Variants in ST3GAL5 observed in about 807,000 individuals in gnomAD.
ST3GAL5 encodes lactosylceramide alpha-2,3-sialyltransferase.
A neutral mutation model predicts 46.1 loss-of-function variants in ST3GAL5; 25 were observed. The ratio of observed to expected loss-of-function variants is 0.54; its 90% CI spans 0.40 to 0.76. The LOEUF (loss-of-function observed/expected upper bound fraction) is 0.76, where lower values mean the gene tolerates loss of function less well. Among genes scored for constraint, ST3GAL5 ranks in the 30% least tolerant of loss-of-function variants. ST3GAL5 has a pLI of 0.00. For synonymous variants in ST3GAL5, 182 were observed against 192.7 expected (o/e 0.94, Z 0.46); for missense variants, 431 against 521.2 (o/e 0.83, Z 1.69).
chr2:85,888,734 C>A (rs1688054790), intron 1 of ST3GAL5, 90 bp downstream of exon 1: 2 of 1,028,390 alleles, frequency 1.9e-6, no homozygotes. Flanking sequence ...GGAAACGCCG[C>A]GCCCAGCCGG....
chr2:85,871,004 G>A (rs1216271243), intron 1 of ST3GAL5, among the ~76,000 whole-genome samples: 2 of 151,660 alleles, frequency 1.3e-5, no homozygotes, highest in Non-Finnish European at 2.9e-5. Flanking sequence ...ATCAAATCAG[G>A]GTAATTAGGA....
rs775248759 is a variant in ST3GAL5 at position 85,863,461 on chromosome 2, A to C, written c.107T>G (p.Val36Gly). The change falls in exon 2 of 7, where the codon GTG (valine) becomes GGG (glycine). Residue 36 changes from valine to glycine, a missense_variant. Val to Gly is a moderately radical substitution (Grantham distance 109). Coordinates refer to ENST00000638572, the MANE Select transcript of ST3GAL5 (RefSeq NM_003896.4). ...GRAMPSEYTY[V>G]KLRSDCSRPS... is the part of the protein sequence containing the mutation. Reference sequence around the variant, plus strand: ...CCTCGAGCAATCACTTCTCAGTTTCACATAGGTGTACTCACTTGGCATTGC... The same window carrying C: ...CCTCGAGCAATCACTTCTCAGTTTCCCATAGGTGTACTCACTTGGCATTGC... 4 of 1,614,018 alleles carry C rather than the reference A, an allele frequency of 2.5e-6. No individual in the cohort carries two copies. The South Asian group carries it at 4.4e-5, about 18-fold the overall frequency.
At position 85,853,055 on chromosome 2, in the gene ST3GAL5, T is replaced by C. The variant is rs749493975; in HGVS notation, c.319-4851A>G. On this transcript the variant is annotated intron_variant, in intron 3 of 6. Transcript: ENST00000638572. ...AGCGGCTGAGTCCATCTGGCCATAA[T>C]TAACTGCACGCAATGCCATCCGCAG... 5 of 1,304,224 alleles carry C rather than the reference T, an allele frequency of 3.8e-6. 2 individuals are homozygous for C. In the South Asian group the frequency reaches 6.2e-5, roughly 16 times the overall value. The allele number at this position is 1,304,224 out of a possible 1,614,324, so 80.8% of individuals were successfully genotyped here. A position where few individuals can be genotyped will look rare whatever the true frequency, so the allele number is the denominator to read the frequency against.
chr2:85,874,103 G>A (rs999951400), intron 1 of ST3GAL5, among the ~76,000 whole-genome samples: 10 of 152,146 alleles, frequency 6.6e-5, no homozygotes, highest in Non-Finnish European at 1.3e-4. Flanking sequence ...CTGTGTGAAC[G>A]CACAATCAAT....
At chr2:85,859,809 G>A (rs541490499) in intron 3 of ST3GAL5, among the ~76,000 whole-genome samples, 1 of 152,354 alleles carries the variant, frequency 6.6e-6, no homozygotes, top group Admixed American at 6.5e-5. Context: ...ACATTTCACA[G>A]TTGAGAAAAC....
intron 2 of ST3GAL5, among the ~76,000 whole-genome samples, chr2:85,862,045 CA>C (rs960822351): frequency 6.9e-4 from 103 of 149,750 alleles, no homozygotes; most frequent in African/African-American, 2.5e-3. Flanking sequence ...GTTTTTTTTT[CA>C]AAAAAATTGC....
intron 1 of ST3GAL5, among the ~76,000 whole-genome samples, chr2:85,883,715 G>A (rs1687451773): frequency 6.6e-6 from 1 of 152,212 alleles, no homozygotes; most frequent in African/African-American, 2.4e-5. Context: ...CGCTAGAAAA[G>A]CAAGCAGTCC....
At chr2:85,880,717 G>A (rs11127008) in intron 1 of ST3GAL5, among the ~76,000 whole-genome samples, 84,119 of 151,838 alleles carry the variant, frequency 0.55, 23,771 homozygotes, top group East Asian at 0.68. Flanking sequence ...CCAGCTACTC[G>A]GGAGGCTGAG....
Position 85,853,210 on chromosome 2 carries a change from A to G in ST3GAL5, c.319-5006T>C, listed in dbSNP as rs985954708. 3 of 568,892 alleles carry G rather than the reference A, an allele frequency of 5.3e-6. No homozygotes were observed. In the African/African-American group the frequency reaches 5.9e-5, roughly 11 times the overall value. The allele number at this position is 568,892 out of a possible 1,614,324, so 35.2% of individuals were successfully genotyped here. A position where few individuals can be genotyped will look rare whatever the true frequency, so the allele number is the denominator to read the frequency against. ...TAAAACATCTTTTGAGTGCAATTTC[A>G]CATCTGAACCACACTTTCAAAGTGT... On this transcript the variant is annotated intron_variant, in intron 3 of 6. Transcript: ENST00000638572.
chr2:85,888,932 C>A lies in ST3GAL5; in HGVS notation c.-27G>T. The A allele has an allele frequency of 7.5e-7, 1 of 1,331,578 alleles. No homozygotes were observed. Among genetic ancestry groups the A allele is most frequent in the East Asian group, 3.4e-5 (1 of 29,402 alleles). The allele number at this position is 1,331,578 out of a possible 1,614,324, so 82.5% of individuals were successfully genotyped here. On this transcript the variant is annotated 5_prime_UTR_variant, in exon 1 of 7. Transcript: ENST00000638572. ...CTAATGAGGGGGCGCCGGCCGGCCG[C>A]CAGCCCGGTACCCCGCGCCCCCACC...
intron 1 of ST3GAL5, chr2:85,888,452 G>A (rs1688015495): frequency 6.2e-6 from 1 of 161,868 alleles, no homozygotes; most frequent in East Asian, 1.7e-4. Context: ...GGTTCCCTAA[G>A]CCCATCCCAG....
At chr2:85,856,366 C>T (rs1009424332) in intron 3 of ST3GAL5, 1 of 151,990 alleles carries the variant, frequency 6.6e-6, no homozygotes, top group African/African-American at 2.4e-5. Flanking sequence ...ATGAAATGTC[C>T]ATAATAGGCA....
chr2:85,875,343 G>C (rs1686420931), intron 1 of ST3GAL5: 1 of 147,454 alleles, frequency 6.8e-6, no homozygotes, highest in South Asian at 2.2e-4. Flanking sequence ...TTGCAGGCGT[G>C]AGTTACCACA....
intron 1 of ST3GAL5, among the ~76,000 whole-genome samples, chr2:85,885,963 C>T (rs1380991702): frequency 6.6e-6 from 1 of 152,182 alleles, no homozygotes; most frequent in Non-Finnish European, 1.5e-5. Context: ...GTGGTCACAG[C>T]GGCACTTTCT....
intron 1 of ST3GAL5, among the ~76,000 whole-genome samples, chr2:85,881,843 A>G (rs1449281143): frequency 6.6e-6 from 1 of 152,266 alleles, no homozygotes; most frequent in Admixed American, 6.5e-5. Context: ...AGAAATTTGC[A>G]TAAGTAGCAA....
At chr2:85,858,370 GCA>G (rs1025342231) in intron 3 of ST3GAL5, 54 of 152,618 alleles carry the variant, frequency 3.5e-4, no homozygotes, top group African/African-American at 1.3e-3. Context: ...GAGTGCAATG[GCA>G]CAGTCTTGGC....
At chr2:85,854,526 C>T (rs1683885112) in intron 3 of ST3GAL5, 1 of 152,262 alleles carries the variant, frequency 6.6e-6, no homozygotes, top group African/African-American at 2.4e-5. Context: ...TTTTCCCTGT[C>T]TACCAGTGGA....
At chr2:85,877,284 G>A (rs563372157) in intron 1 of ST3GAL5, among the ~76,000 whole-genome samples, 1 of 152,248 alleles carries the variant, frequency 6.6e-6, no homozygotes, top group Admixed American at 6.5e-5. Context: ...AAGAATATAT[G>A]TCATTTTCTT....
intron 1 of ST3GAL5, among the ~76,000 whole-genome samples, chr2:85,886,607 T>C (rs778639788): frequency 9.9e-5 from 15 of 152,120 alleles, no homozygotes; most frequent in Non-Finnish European, 2.1e-4. Flanking sequence ...CCTGGTAGTG[T>C]CCTTGAAGCC....
Sources: allele counts gnomAD v4.1 joint callset (sites outside exome capture counted in the v4.1 genomes callset), GRCh38; gene constraint gnomAD v4.1.1; transcripts MANE v1.5; gene names NCBI Gene and HGNC (gene_info 2026-07-23, HGNC 2026-07-21).